The following TEX9 variants were observed in gnomAD, a reference collection of about 807,000 sequenced individuals.
TEX9 encodes testis expressed 9.
A neutral mutation model predicts 59.6 loss-of-function variants in TEX9; 74 were observed. That is an observed-to-expected ratio of 1.24 (90% CI 1.03 to 1.51). The LOEUF (loss-of-function observed/expected upper bound fraction) is 1.51. Ranked by LOEUF, TEX9 falls within the 40% of genes most tolerant of loss-of-function variation. The pLI, the probability that TEX9 is intolerant of heterozygous loss-of-function variation, is 0.00. For synonymous variants in TEX9, 186 were observed against 152.2 expected (o/e 1.22, Z -1.64); for missense variants, 522 against 447.8 (o/e 1.17, Z -1.49).
intron 10 of TEX9, among the ~76,000 whole-genome samples, chr15:56,419,241 A>G (rs562180998): frequency 6.6e-6 from 1 of 151,812 alleles, no homozygotes; most frequent in Non-Finnish European, 1.5e-5. Flanking sequence ...TATTGAGTCT[A>G]TATCCTCAAC....
At chr15:56,310,396 C>T (rs545609438) in intron 1 of TEX9, among the ~76,000 whole-genome samples, 2 of 152,202 alleles carry the variant, frequency 1.3e-5, no homozygotes, top group African/African-American at 4.8e-5. Context: ...TGGGCCATTG[C>T]ACTCCAGCCT....
chr15:56,346,823 T>C (rs2046479980), intron 1 of TEX9, among the ~76,000 whole-genome samples: 1 of 152,168 alleles, frequency 6.6e-6, no homozygotes, highest in Non-Finnish European at 1.5e-5. Context: ...TTTGTCTGCA[T>C]AGAAGATCCT....
chr15:56,458,418 A>G, the TEX9 span, among the ~76,000 whole-genome samples: 1 of 152,202 alleles, frequency 6.6e-6, no homozygotes, highest in East Asian at 1.9e-4. Context: ...AGACTGGTAC[A>G]TTTGTTACAC....
chr15:56,346,065 T>C (rs1367545157), intron 1 of TEX9, among the ~76,000 whole-genome samples: 1 of 152,198 alleles, frequency 6.6e-6, no homozygotes, highest in African/African-American at 2.4e-5. Flanking sequence ...GAGTACTTAA[T>C]ATAAACATTG....
intron 1 of TEX9, among the ~76,000 whole-genome samples, chr15:56,336,365 T>G (rs2046256841): frequency 6.6e-6 from 1 of 152,144 alleles, no homozygotes; most frequent in Non-Finnish European, 1.5e-5. Context: ...AAATGAGATT[T>G]CCTTATAAGA....
At chr15:56,456,415 C>T in the TEX9 span, 3 of 1,608,770 alleles carry the variant, frequency 1.9e-6, no homozygotes, top group East Asian at 2.2e-5. Flanking sequence ...TACTTGTTGC[C>T]TCATCTTTTC....
chr15:56,345,676 G>A (rs1212947063), intron 1 of TEX9, among the ~76,000 whole-genome samples: 1 of 152,138 alleles, frequency 6.6e-6, no homozygotes, highest in African/African-American at 2.4e-5. Context: ...CTGGTTGTAG[G>A]TGGAAGGAAA....
chr15:56,289,530 G>A (rs1373885036), intron 1 of TEX9, among the ~76,000 whole-genome samples: 3 of 152,172 alleles, frequency 2.0e-5, no homozygotes, highest in East Asian at 1.9e-4. Context: ...GGAATCCTTC[G>A]CAGCTAACAC....
chr15:56,445,348 A>C (rs1362250592), intron 12 of TEX9, among the ~76,000 whole-genome samples: 1 of 152,038 alleles, frequency 6.6e-6, no homozygotes, highest in East Asian at 1.9e-4. Context: ...TTTTCAAATC[A>C]TTTAATAAAA....
At chr15:56,449,385 A>G (rs2050932575), downstream of TEX9, among the ~76,000 whole-genome samples, 1 of 152,076 alleles carries the variant, frequency 6.6e-6, no homozygotes, top group African/African-American at 2.4e-5. Flanking sequence ...TATAATTGTT[A>G]ATAGGATGAA....
At chr15:56,440,214 C>A (rs2050795655) in intron 12 of TEX9, among the ~76,000 whole-genome samples, 1 of 152,090 alleles carries the variant, frequency 6.6e-6, no homozygotes, top group Non-Finnish European at 1.5e-5. Context: ...AATAAAACTA[C>A]AAGGTATCAC....
chr15:56,443,391 T>G, intron 12 of TEX9: 3 of 1,410,976 alleles, frequency 2.1e-6, no homozygotes, highest in African/African-American at 1.4e-5. Flanking sequence ...AATTATATTC[T>G]TCTCTACATT....
intron 1 of TEX9, among the ~76,000 whole-genome samples, chr15:56,313,490 G>A (rs2045676701): frequency 6.8e-6 from 1 of 146,236 alleles, no homozygotes; most frequent in Non-Finnish European, 1.5e-5. Flanking sequence ...TGCATCCCAG[G>A]GCTGAAGCCC....
At chr15:56,332,365 A>T (rs2046166241) in intron 1 of TEX9, among the ~76,000 whole-genome samples, 1 of 151,524 alleles carries the variant, frequency 6.6e-6, no homozygotes, top group Admixed American at 6.6e-5. Context: ...AAACTATCGC[A>T]AGAACAAAAA....
At chr15:56,439,037 A>G (rs1295509985) in intron 12 of TEX9, among the ~76,000 whole-genome samples, 1 of 152,122 alleles carries the variant, frequency 6.6e-6, no homozygotes, top group Non-Finnish European at 1.5e-5. Flanking sequence ...GGCAGAAGAC[A>G]TGCCTGACTA....
At chr15:56,347,487 C>T (rs1347099689) in intron 1 of TEX9, among the ~76,000 whole-genome samples, 2 of 151,756 alleles carry the variant, frequency 1.3e-5, no homozygotes, top group Non-Finnish European at 2.9e-5. Context: ...ATAAATATAG[C>T]CTTTTCAACA....
intron 1 of TEX9, among the ~76,000 whole-genome samples, chr15:56,305,202 T>C (rs1314725558): frequency 6.6e-6 from 1 of 151,996 alleles, no homozygotes; most frequent in Non-Finnish European, 1.5e-5. Context: ...ATCCATATTA[T>C]CCAAAACGAT....
chr15:56,352,255 C>T (rs2718914), intron 1 of TEX9, among the ~76,000 whole-genome samples: 73,917 of 151,504 alleles, frequency 0.49, 18,117 homozygotes, highest in South Asian at 0.64. Context: ...TTGCCGTCTT[C>T]TTTTTTTGAG....
intron 9 of TEX9, among the ~76,000 whole-genome samples, chr15:56,404,984 G>T (rs745848024): frequency 6.6e-6 from 1 of 152,110 alleles, no homozygotes; most frequent in Non-Finnish European, 1.5e-5. Context: ...CCTGTCTGGC[G>T]CTAGGGAGCT....
Sources: allele counts gnomAD v4.1 joint callset (sites outside exome capture counted in the v4.1 genomes callset), GRCh38; gene constraint gnomAD v4.1.1; transcripts MANE v1.5; gene names NCBI Gene and HGNC (gene_info 2026-07-23, HGNC 2026-07-21).